MINK1: variants seen among roughly 807,000 people sequenced by gnomAD.
MINK1 encodes misshapen like kinase 1.
In MINK1, 46 loss-of-function variants were observed where a neutral mutation model predicts 178.4. That is an observed-to-expected ratio of 0.26 (90% CI 0.20 to 0.33). The LOEUF (loss-of-function observed/expected upper bound fraction) is 0.33. Among genes scored for constraint, MINK1 ranks in the 10% least tolerant of loss-of-function variants. The probability of loss-of-function intolerance (pLI) is 1.00; values close to 1 mark genes in which losing one functional copy is unlikely to be tolerated. For synonymous variants in MINK1, 797 were observed against 709.7 expected, an observed-to-expected ratio of 1.12 and a Z score of -1.96; for missense variants, 1,366 against 1,814.9, an observed-to-expected ratio of 0.75 and a Z score of 4.49.
chr17:4,884,245 C>T (rs1967997579), intron 4 of MINK1, 118 bp from the exon 5 acceptor site: 5 of 733,252 alleles, frequency 6.8e-6, no homozygotes, highest in Non-Finnish European at 1.2e-5. Flanking sequence ...CTAGCTCATA[C>T]CAGTTCTAAC....
chr17:4,878,216 C>A (rs1967365670), intron 1 of MINK1, 101 bp from the exon 2 acceptor site: 12 of 1,052,740 alleles, frequency 1.1e-5, no homozygotes, highest in Non-Finnish European at 1.4e-5. Context: ...ATATGCTGGT[C>A]TTCACTCCCA....
rs370109951 is a variant in MINK1, at chr17:4,886,901, T to C, written c.950-209T>C. ...TGTGTGCGAGCACAAGCACAGGCTC[T>C]GCCACACCTCAGCTGCCCTGGGACC... On this transcript the variant is annotated intron_variant, in intron 10 of 31. Transcript: ENST00000355280. The surrounding 1 kb of genome is among the most constrained non-coding windows in gnomAD (Gnocchi z 6.1). 6.6e-6 allele frequency among the ~76,000 whole-genome samples: 1 copy of C among 152,278 alleles called. No individual in the cohort carries two copies. Among genetic ancestry groups the C allele is most frequent in the South Asian group, 2.1e-4 (1 of 4,834 alleles).
chr17:4,835,377 C>A (rs1225448714), intron 1 of MINK1, among the ~76,000 whole-genome samples: 1 of 152,122 alleles, frequency 6.6e-6, no homozygotes, highest in Non-Finnish European at 1.5e-5. Context: ...CCTGTAATCC[C>A]AGCACTTTGG....
chr17:4,855,408 C>T (rs1912889035), intron 1 of MINK1, among the ~76,000 whole-genome samples: 1 of 148,692 alleles, frequency 6.7e-6, no homozygotes, highest in African/African-American at 2.5e-5. Context: ...ATGGCGTGAA[C>T]CTCGGAGGTG....
At chr17:4,840,572 C>T (rs1414226233) in intron 1 of MINK1, among the ~76,000 whole-genome samples, 2 of 151,972 alleles carry the variant, frequency 1.3e-5, no homozygotes, top group African/African-American at 4.8e-5. Flanking sequence ...ATGTTATTAG[C>T]CTAAGGGGTG....
At chr17:4,868,252 C>T (rs149003437) in intron 1 of MINK1, among the ~76,000 whole-genome samples, 1,872 of 152,324 alleles carry the variant, frequency 0.012, 32 homozygotes, top group South Asian at 0.057. Flanking sequence ...GCTGGGATTA[C>T]AGGCGTGAGC....
chr17:4,835,723 CT>C (rs1274645244), intron 1 of MINK1, among the ~76,000 whole-genome samples: 1 of 152,164 alleles, frequency 6.6e-6, no homozygotes, highest in African/African-American at 2.4e-5. Context: ...CTTTTAGCCT[CT>C]TTTGGTAGTT....
intron 4 of MINK1, among the ~76,000 whole-genome samples, chr17:4,883,738 C>A (rs2151005590): frequency 6.7e-6 from 1 of 149,446 alleles, no homozygotes; most frequent in South Asian, 2.1e-4. Flanking sequence ...CAGGGTTTCA[C>A]CGTGTTATCC....
chr17:4,840,292 T>TCTTA (rs1221115531), intron 1 of MINK1, among the ~76,000 whole-genome samples: 1 of 152,066 alleles, frequency 6.6e-6, no homozygotes, highest in Non-Finnish European at 1.5e-5. Flanking sequence ...GGTGAAGCAT[T>TCTTA]TGGTCAACAA....
Position 4,897,563 on chromosome 17 carries a change from T to TC in MINK1, c.*282dup, listed in dbSNP as rs1417460904. On this transcript the variant is annotated 3_prime_UTR_variant, in exon 32 of 32. Coordinates refer to ENST00000355280, the MANE Select transcript of MINK1 (RefSeq NM_153827.5). Reference sequence around the variant, plus strand: ...CCAGGAATTGAGTGGGCCTAGCCCCTCCCCCCTTTTCTCCATTTGAGAGGA... The same window carrying TC: ...CCAGGAATTGAGTGGGCCTAGCCCCTCCCCCCCTTTTCTCCATTTGAGAGGA... 5.1e-6 allele frequency: 2 copies of TC among 393,682 alleles called. No individual in the cohort carries two copies. Among genetic ancestry groups the TC allele is most frequent in the African/African-American group, 2.1e-5 (1 of 48,132 alleles). 24.4% of individuals were successfully genotyped at this position (393,682 alleles called of 1,614,324 possible). A position where few individuals can be genotyped will look rare whatever the true frequency, so the allele number is the denominator to read the frequency against.
intron 12 of MINK1, among the ~76,000 whole-genome samples, chr17:4,888,657 T>C (rs993010751): frequency 2.0e-5 from 3 of 149,786 alleles, no homozygotes; most frequent in South Asian, 2.1e-4. Flanking sequence ...AAAATAAATA[T>C]AGCGTTCAGA....
At chr17:4,897,157 C>T in intron 31 of MINK1, 47 bp from the exon 32 acceptor site, 2 of 1,491,972 alleles carry the variant, frequency 1.3e-6, no homozygotes, top group Non-Finnish European at 1.9e-6. Flanking sequence ...AGTTGAGACA[C>T]CCCCCCAACC....
intron 15 of MINK1, 129 bp downstream of exon 15, chr17:4,891,253 AGC>A: frequency 1.7e-6 from 2 of 1,165,190 alleles, no homozygotes; most frequent in Non-Finnish European, 2.4e-6. Context: ...AGGATTACAG[AGC>A]ACAGGCTTTG....
Position 4,896,314 on chromosome 17 carries a change from A to G in MINK1, c.3587A>G (p.Asn1196Ser). The stretch of plus-strand genomic sequence containing the variant: ...CATGCTGTGGATGTCGACTCGGGGA[A>G]CAGCTATGACATCTACATCCCTGTG... ...GFHAVDVDSG[N>S]SYDIYIPVHI... Residue 1196 changes from asparagine to serine, a missense_variant, in exon 29 of 32, where the codon AAC becomes AGC. Coordinates refer to ENST00000355280, the MANE Select transcript of MINK1 (RefSeq NM_153827.5). This position sits in a 1 kb window ranked among gnomAD's most constrained non-coding sequence, Gnocchi z 4.6. 1.4e-5 allele frequency: 22 copies of G among 1,599,212 alleles called. No homozygotes were observed. The highest frequency in any genetic ancestry group is 1.8e-5 in the Non-Finnish European group (21 of 1,172,290).
Position 4,895,921 on chromosome 17 carries a change from G to A in MINK1, c.3365-82G>A, listed in dbSNP as rs1275097834. On this transcript the variant is annotated intron_variant, in intron 27 of 31. Coordinates refer to ENST00000355280, the MANE Select transcript of MINK1 (RefSeq NM_153827.5). The surrounding 1 kb of genome is among the most constrained non-coding windows in gnomAD (Gnocchi z 4.3). ...AGCCAGGGACTTGGGGCCTGGGTGG[G>A]GCAGTGTAGTGACAGACCACGGGGA... 3.8e-5 allele frequency: 60 copies of A among 1,573,546 alleles called. No homozygotes were observed. The highest frequency in any genetic ancestry group is 4.7e-5 in the Non-Finnish European group (54 of 1,159,028).
intron 1 of MINK1, among the ~76,000 whole-genome samples, chr17:4,862,233 C>T (rs1324835490): frequency 6.6e-6 from 1 of 152,162 alleles, no homozygotes; most frequent in African/African-American, 2.4e-5. Flanking sequence ...GCATTCAAAC[C>T]CTGGCTCTGC....
intron 1 of MINK1, chr17:4,844,693 C>T: frequency 8.2e-6 from 3 of 366,176 alleles, no homozygotes; most frequent in Non-Finnish European, 1.1e-5. Flanking sequence ...CTGGGTAGAT[C>T]ACTGTGATGA....
chr17:4,844,755 T>C (rs900203804), intron 1 of MINK1, among the ~76,000 whole-genome samples: 1 of 152,156 alleles, frequency 6.6e-6, no homozygotes, highest in Non-Finnish European at 1.5e-5. Flanking sequence ...GGAAAGATAG[T>C]CGAATAATTC....
At chr17:4,840,818 A>G (rs957190902) in intron 1 of MINK1, among the ~76,000 whole-genome samples, 3 of 152,252 alleles carry the variant, frequency 2.0e-5, no homozygotes, top group Non-Finnish European at 4.4e-5. Flanking sequence ...GGAAGCCACA[A>G]GTCTTGGGCT....
Sources: gnomAD v4.1 joint callset for allele counts (sites outside exome capture counted in the v4.1 genomes callset) on GRCh38, gnomAD v4.1.1 for gene constraint, Gnocchi (gnomAD v3.1) non-coding constraint, MANE v1.5 for transcripts, NCBI Gene and HGNC (gene_info 2026-07-23, HGNC 2026-07-21) for gene names.